Variants in KCTD9 observed in about 807,000 individuals in gnomAD.
The protein encoded by KCTD9 is BTB/POZ domain-containing protein KCTD9.
KCTD9 carries 17 observed loss-of-function variants against 53.3 expected under a neutral mutation model. The ratio of observed to expected loss-of-function variants is 0.32; its 90% CI spans 0.22 to 0.48. KCTD9 has a LOEUF of 0.48. KCTD9 is among the 20% of genes least tolerant of loss of function. The pLI is 0.99. For missense variants in KCTD9, 179 were observed against 465.5 expected (o/e 0.38, Z 5.66); for synonymous variants, 128 against 162.7 (o/e 0.79, Z 1.62).
At chr8:25,444,060 T>G (rs1802170210) in intron 3 of KCTD9, among the ~76,000 whole-genome samples, 1 of 152,166 alleles carries the variant, frequency 6.6e-6, no homozygotes, top group Non-Finnish European at 1.5e-5. Flanking sequence ...TGAATATGTA[T>G]ACCTCCAGAG....
chr8:25,443,192 C>T (rs942603119), intron 3 of KCTD9, among the ~76,000 whole-genome samples: 2 of 152,010 alleles, frequency 1.3e-5, no homozygotes, highest in Non-Finnish European at 2.9e-5. Flanking sequence ...AACCCAATAG[C>T]GAAGAGCCTC....
chr8:25,430,473 G>A (rs900218489), intron 11 of KCTD9, among the ~76,000 whole-genome samples: 2 of 152,114 alleles, frequency 1.3e-5, no homozygotes, highest in African/African-American at 4.8e-5. Flanking sequence ...GCACATGTGA[G>A]GGATCTAGGT....
intron 1 of KCTD9, among the ~76,000 whole-genome samples, chr8:25,452,151 T>C (rs571551797): frequency 3.2e-4 from 49 of 152,280 alleles, no homozygotes; most frequent in Non-Finnish European, 6.3e-4. Flanking sequence ...TTTCTCTACC[T>C]ATACTTTTAG....
Position 25,440,469 on chromosome 8 carries a change from T to C in KCTD9, c.311+108A>G, listed in dbSNP as rs554526322. ...AAATGGTTTCAGATCACATAGTATA[T>C]TTAAGCAGCATTTGAGTATCTTTTA... On this transcript the variant is annotated intron_variant, in intron 4 of 11. Coordinates refer to ENST00000221200, the MANE Select transcript of KCTD9 (RefSeq NM_017634.4). The C allele has an allele frequency of 4.4e-5, 35 of 788,826 alleles. No individual in the cohort carries two copies. The African/African-American group carries it at 5.7e-4, about 13-fold the overall frequency. The allele number at this position is 788,826 out of a possible 1,614,324, so 48.9% of individuals were successfully genotyped here.
chr8:25,458,070 G>A, intron 1 of KCTD9, 129 bp downstream of exon 1: 1 of 877,442 alleles, frequency 1.1e-6, no homozygotes. Flanking sequence ...GTCCCCGAGC[G>A]CCCCCAGCCC....
intron 2 of KCTD9, among the ~76,000 whole-genome samples, chr8:25,444,971 G>A (rs1161902604): frequency 2.0e-5 from 3 of 152,042 alleles, no homozygotes; most frequent in African/African-American, 4.8e-5. Flanking sequence ...CATTGTAGAC[G>A]TTTTTATTTC....
At chr8:25,455,368 C>G (rs1180700235) in intron 1 of KCTD9, among the ~76,000 whole-genome samples, 1 of 152,106 alleles carries the variant, frequency 6.6e-6, no homozygotes, top group East Asian at 1.9e-4. Flanking sequence ...ACTAGGATGA[C>G]TCATCCTATC....
chr8:25,453,595 T>C (rs774471297), intron 1 of KCTD9, among the ~76,000 whole-genome samples: 16 of 150,748 alleles, frequency 1.1e-4, no homozygotes, highest in African/African-American at 2.4e-4. Context: ...GGAGGTTGTA[T>C]TGAGCCAGAG....
chr8:25,454,804 T>C (rs1260045353), intron 1 of KCTD9, among the ~76,000 whole-genome samples: 1 of 152,228 alleles, frequency 6.6e-6, no homozygotes, highest in African/African-American at 2.4e-5. Flanking sequence ...ATTCCACTGT[T>C]AGAAAGTACA....
rs750451336 is a variant in KCTD9, at chr8:25,440,577, C to T, written c.311G>A (p.Arg104Gln). 10 of 1,576,426 alleles carry T rather than the reference C, an allele frequency of 6.3e-6. No homozygotes were observed. The Admixed American group carries it at 1.5e-4, about 24-fold the overall frequency. The part of the protein sequence containing the change: ...NVGGRYFTTT[R>Q]STLVNKEPDS... ...CTAACACACATACACACACACCTAC[C>T]GTGTAGTTGTAAAGTACCGCCCTCC... is the stretch of plus-strand genomic sequence containing the variant. Residue 104 changes from arginine (R) to glutamine (Q), a missense_variant and splice_region_variant, in exon 4 of 12, where the codon CGG becomes CAG. By Grantham distance (43) the Arg-to-Gln change is conservative. Transcript: ENST00000221200.
chr8:25,454,223 A>G (rs1353391035), intron 1 of KCTD9, among the ~76,000 whole-genome samples: 1 of 152,346 alleles, frequency 6.6e-6, no homozygotes, highest in African/African-American at 2.4e-5. Context: ...AACCTGAAGA[A>G]AAGTTATTTC....
intron 1 of KCTD9, among the ~76,000 whole-genome samples, chr8:25,449,730 A>C (rs1303661852): frequency 3.3e-5 from 5 of 152,138 alleles, no homozygotes; most frequent in East Asian, 1.9e-4. Context: ...CAAGTGCTCA[A>C]CTGCCACACT....
rs1174638667 is a variant in KCTD9 at position 25,428,166 on chromosome 8, A to C, written c.*1691T>G. The C allele has an allele frequency of 1.3e-5, 2 of 152,652 alleles. No homozygotes were observed. The highest frequency in any genetic ancestry group is 2.9e-5 in the Non-Finnish European group (2 of 68,030). 9.5% of individuals were successfully genotyped at this position (152,652 alleles called of 1,614,324 possible). A position where few individuals can be genotyped will look rare whatever the true frequency, so the allele number is the denominator to read the frequency against. ...TACAGAGGTACCTTTAAGTGAATGA[A>C]TACCACATTCTGTAATTCCTGAAAA... On this transcript the variant is annotated 3_prime_UTR_variant, in exon 12 of 12. Coordinates refer to ENST00000221200, the MANE Select transcript of KCTD9 (RefSeq NM_017634.4).
At position 25,458,047 on chromosome 8, in the gene KCTD9, G is replaced by A. The variant is rs963679958; in HGVS notation, c.48+152C>T. 2.9e-5 allele frequency: 19 copies of A among 657,582 alleles called. No individual in the cohort carries two copies. In the East Asian group the frequency reaches 4.7e-4, roughly 16 times the overall value. 40.7% of individuals were successfully genotyped at this position (657,582 alleles called of 1,614,324 possible). ...TCCTGAGGGTCGGGAGGAGGCCGCG[G>A]GGACCCTGTGCTGTCCCCGAGCGCC... On this transcript the variant is annotated intron_variant, in intron 1 of 11. Transcript: ENST00000221200.
chr8:25,455,137 A>C (rs1219893873), intron 1 of KCTD9, among the ~76,000 whole-genome samples: 1 of 152,154 alleles, frequency 6.6e-6, no homozygotes, highest in Non-Finnish European at 1.5e-5. Flanking sequence ...AGTTAGGAGA[A>C]TCGCTTGAAC....
chr8:25,442,994 AG>A (rs1248084942), intron 3 of KCTD9, among the ~76,000 whole-genome samples: 3 of 152,180 alleles, frequency 2.0e-5, no homozygotes, highest in Non-Finnish European at 4.4e-5. Context: ...GAAGAGGATA[AG>A]TAAAAACCTT....
rs1297478857 is a variant in KCTD9 at position 25,450,432 on chromosome 8, T to C, written c.49-4182A>G. 12 of 984,352 alleles carry C rather than the reference T, an allele frequency of 1.2e-5. No homozygotes were observed. The Admixed American group carries it at 4.9e-4, about 40-fold the overall frequency. The allele number at this position is 984,352 out of a possible 1,614,324, so 61.0% of individuals were successfully genotyped here. On this transcript the variant is annotated intron_variant, in intron 1 of 11. Transcript: ENST00000221200. ...ATTTCTTGAATGTTGAGTGTTGAAGTAGGACACACCTTTTTTGTGTGACAG... is the reference window on the plus strand; with the variant it reads ...ATTTCTTGAATGTTGAGTGTTGAAGCAGGACACACCTTTTTTGTGTGACAG...
chr8:25,448,900 G>C (rs1057207137), intron 1 of KCTD9, among the ~76,000 whole-genome samples: 2 of 151,222 alleles, frequency 1.3e-5, no homozygotes, highest in Admixed American at 6.6e-5. Flanking sequence ...GGGCGACAAA[G>C]TGAGACTCCT....
chr8:25,435,388 G>C lies in KCTD9; in HGVS notation c.788C>G (p.Ala263Gly). The change falls in exon 9 of 12, where the codon GCT becomes GGT. Residue 263 changes from alanine to glycine, a missense_variant. Physicochemically the swap from Ala to Gly is moderately conservative, Grantham distance 60. Transcript: ENST00000221200. ...GTCAAGCACTGATCCAGAGAGATCA[G>C]CTCGTTCAAGATTTGCACAGCAAAG... ...ANLCCANLER[A>G]DLSGSVLDCA... 1 of 1,607,302 alleles carries C rather than the reference G, an allele frequency of 6.2e-7. No homozygotes were observed. The highest frequency in any genetic ancestry group is 8.5e-7 in the Non-Finnish European group (1 of 1,177,648).
Sources: gnomAD v4.1 joint callset for allele counts (sites outside exome capture counted in the v4.1 genomes callset) on GRCh38, gnomAD v4.1.1 for gene constraint, MANE v1.5 for transcripts, NCBI Gene and HGNC (gene_info 2026-07-23, HGNC 2026-07-21) for gene names.